Variants in PAGE4 observed in about 807,000 individuals in gnomAD.
PAGE4 encodes the protein PAGE family member 4.
A neutral mutation model predicts 8.5 loss-of-function variants in PAGE4; 1 was observed. The observed-to-expected ratio is 0.12, with a 90% confidence interval of 0.04 to 0.56. The LOEUF (loss-of-function observed/expected upper bound fraction) is 0.56, where lower values mean the gene tolerates loss of function less well. PAGE4 is among the 20% of genes least tolerant of loss of function. PAGE4 has a pLI of 0.91. For missense variants in PAGE4, 93 were observed against 82.7 expected, an observed-to-expected ratio of 1.13 and a Z score of -0.49; for synonymous variants, 26 against 26.3, an observed-to-expected ratio of 0.99 and a Z score of 0.04.
rs1416905380 is a variant in PAGE4 at position 49,830,421 on chromosome X, T to C, written c.-8T>C. On this transcript the variant is annotated 5_prime_UTR_variant, in exon 2 of 5. Coordinates refer to ENST00000218068, the MANE Select transcript of PAGE4 (RefSeq NM_007003.4). ...CAGTCTTCAGTTCACGATCTTCTAG[T>C]TGCAGCGATGAGTGCACGAGTGAGA... The C allele has an allele frequency of 1.1e-5, 13 of 1,178,590 alleles. No individual in the cohort carries two copies. Among genetic ancestry groups the C allele is most frequent in the Non-Finnish European group, 1.5e-5 (13 of 872,153 alleles).
intron 3 of PAGE4, among the ~76,000 whole-genome samples, chrX:49,831,793 GTAAT>G (rs782028748): frequency 8.9e-6 from 1 of 111,970 alleles, no homozygotes; most frequent in Non-Finnish European, 1.9e-5. Flanking sequence ...TACTCTGTAA[GTAAT>G]TCAGTATGTA....
Position 49,830,968 on chromosome X carries a change from T to C in PAGE4, c.79-29T>C, listed in dbSNP as rs930384294. On this transcript the variant is annotated intron_variant, in intron 2 of 4. Coordinates refer to ENST00000218068, the MANE Select transcript of PAGE4 (RefSeq NM_007003.4). Reference sequence around the variant, plus strand: ...ATGATATTAATAACAATATTCTATTTGCATCTACTCTCCCCCACCTCTCAA... The same window carrying C: ...ATGATATTAATAACAATATTCTATTCGCATCTACTCTCCCCCACCTCTCAA... 3.0e-6 allele frequency: 3 copies of C among 987,414 alleles called. No homozygotes were observed. The African/African-American group carries it at 5.7e-5, about 19-fold the overall frequency. 81.4% of individuals were successfully genotyped at this position (987,414 alleles called of 1,213,427 possible).
At chrX:49,831,646 C>A (rs1230786158) in intron 3 of PAGE4, among the ~76,000 whole-genome samples, 3 of 111,672 alleles carry the variant, frequency 2.7e-5, no homozygotes, top group Non-Finnish European at 5.7e-5. Flanking sequence ...GAAAAGTTAT[C>A]CAAGTACAGT....
At chrX:49,832,313 G>C (rs1557156709) in intron 3 of PAGE4, among the ~76,000 whole-genome samples, 3 of 111,732 alleles carry the variant, frequency 2.7e-5, no homozygotes, top group African/African-American at 9.7e-5. Flanking sequence ...TGTAGATTGT[G>C]AAAGTGACAA....
intron 2 of PAGE4, 127 bp from the exon 3 acceptor site, chrX:49,830,870 A>G (rs782286165): frequency 6.1e-6 from 3 of 490,504 alleles, no homozygotes; most frequent in Admixed American, 3.9e-5. Flanking sequence ...CAGAGAAGAT[A>G]GGAAAAACCT....
In PAGE4 at chrX:49,830,998, C is replaced by G. The variant is rs1288836387; in HGVS notation, c.80C>G (p.Pro27Arg). 3.4e-6 allele frequency: 4 copies of G among 1,178,526 alleles called. No individual in the cohort carries two copies. Among genetic ancestry groups the G allele is most frequent in the Non-Finnish European group, 4.6e-6 (4 of 874,943 alleles). The part of the protein sequence containing the change: ...EAPDVVAFVA[P>R]GESQQEEPPT... The stretch of plus-strand genomic sequence containing the variant: ...CTACTCTCCCCCACCTCTCAAAAGC[C>G]CGGTGAATCTCAGCAAGAGGAACCA... The change falls in exon 3 of 5, where the codon CCC becomes CGC. Residue 27 changes from proline to arginine, a missense_variant and splice_region_variant. Pro to Arg is a moderately radical substitution (Grantham distance 103). Transcript: ENST00000218068.
intron 4 of PAGE4, 136 bp downstream of exon 4, chrX:49,832,786 G>A: frequency 1.5e-5 from 8 of 517,211 alleles, no homozygotes; most frequent in East Asian, 4.1e-5. Flanking sequence ...CAGTGTCAGG[G>A]GAAAAATGAA....
intron 3 of PAGE4, 52 bp downstream of exon 3, chrX:49,831,136 G>A (rs1557156567): frequency 1.2e-6 from 1 of 812,825 alleles, no homozygotes; most frequent in Non-Finnish European, 1.8e-6. Flanking sequence ...TTTTATACTA[G>A]TAACAGGAAT....
chrX:49,832,643 A>G lies in PAGE4; in HGVS notation c.285A>G (p.Lys95=). 8.3e-7 allele frequency: 1 copy of G among 1,198,950 alleles called. No individual in the cohort carries two copies. Among genetic ancestry groups the G allele is most frequent in the Non-Finnish European group, 1.1e-6 (1 of 889,606 alleles). ...TPPNPKHAKT[K]EAGDGQP is the part of the protein sequence containing the mutation. ...CTAATCCTAAGCATGCTAAGACTAA[A>G]GAAGCAGGTACGTTATTCATTCGGA... The change falls in exon 4 of 5, where the codon AAA becomes AAG. Residue 95 remains lysine (K), a synonymous_variant. Coordinates refer to ENST00000218068, the MANE Select transcript of PAGE4 (RefSeq NM_007003.4).
In PAGE4 at chrX:49,832,629, C is replaced by T; in HGVS notation, c.271C>T (p.His91Tyr). 8.3e-7 allele frequency: 1 copy of T among 1,200,114 alleles called. No individual in the cohort carries two copies. ...AGAGAAGACTCCACCTAATCCTAAGCATGCTAAGACTAAAGAAGCAGGTAC... is the reference window on the plus strand; with the variant it reads ...AGAGAAGACTCCACCTAATCCTAAGTATGCTAAGACTAAAGAAGCAGGTAC... ...VKEKTPPNPK[H>Y]AKTKEAGDGQ... The change falls in exon 4 of 5, where the codon CAT (histidine) becomes TAT (tyrosine). Residue 91 changes from histidine (H) to tyrosine (Y), a missense_variant. By Grantham distance (83) the His-to-Tyr change is moderately conservative. Coordinates refer to ENST00000218068, the MANE Select transcript of PAGE4 (RefSeq NM_007003.4).
At chrX:49,830,960 A>G in intron 2 of PAGE4, 37 bp from the exon 3 acceptor site, 1 of 909,874 alleles carries the variant, frequency 1.1e-6, no homozygotes, top group Non-Finnish European at 1.6e-6. Flanking sequence ...TAATAACAAT[A>G]TTCTATTTGC....
intron 1 of PAGE4, chrX:49,830,028 T>A (rs782606160): frequency 6.0e-4 from 69 of 115,380 alleles, no homozygotes; most frequent in Non-Finnish European, 9.1e-4. Flanking sequence ...TGAGGTATCT[T>A]TGAGTCCCAG....
chrX:49,833,616 G>T (rs192263810), intron 4 of PAGE4, among the ~76,000 whole-genome samples: 2 of 112,044 alleles, frequency 1.8e-5, no homozygotes, highest in East Asian at 5.6e-4. Flanking sequence ...CATTTAATCT[G>T]TTCTGGCTTG....
Position 49,830,500 on chromosome X carries a change from C to G in PAGE4, c.72C>G (p.Phe24Leu). ...DGQEAPDVVA[F>L]VAPGESQQEE... ...AGGAGGCTCCCGATGTGGTTGCATT[C>G]GTGGCTGTGAGTACATTTCAGTATC... The change falls in exon 2 of 5, where the codon TTC becomes TTG. Residue 24 changes from phenylalanine (F) to leucine (L), a missense_variant. Coordinates refer to ENST00000218068, the MANE Select transcript of PAGE4 (RefSeq NM_007003.4). 1 of 1,176,418 alleles carries G rather than the reference C, an allele frequency of 8.5e-7. No individual in the cohort carries two copies. The highest frequency in any genetic ancestry group is 1.2e-6 in the Non-Finnish European group (1 of 867,187).
Position 49,832,586 on chromosome X carries a change from A to C in PAGE4, c.228A>C (p.Gly76=). ...MDLEKTRSER[G]DGSDVKEKTP... ...TGGAAAAGACTCGGAGTGAGCGTGGAGATGGCTCTGATGTAAAAGAGAAGA... is the reference window on the plus strand; with the variant it reads ...TGGAAAAGACTCGGAGTGAGCGTGGCGATGGCTCTGATGTAAAAGAGAAGA... The change falls in exon 4 of 5, where the codon GGA becomes GGC. Residue 76 remains glycine (G), a synonymous_variant. Transcript: ENST00000218068. The C allele has an allele frequency of 1.7e-6, 2 of 1,195,245 alleles. No individual in the cohort carries two copies. Among genetic ancestry groups the C allele is most frequent in the Non-Finnish European group, 2.3e-6 (2 of 881,200 alleles).
chrX:49,830,306 G>A, intron 1 of PAGE4, 93 bp from the exon 2 acceptor site: 1 of 437,512 alleles, frequency 2.3e-6, no homozygotes, highest in South Asian at 4.1e-5. Context: ...ATTAACTCAG[G>A]ACCTATTATG....
chrX:49,831,612 C>T (rs782294575), intron 3 of PAGE4, among the ~76,000 whole-genome samples: 18 of 111,848 alleles, frequency 1.6e-4, no homozygotes, highest in African/African-American at 5.5e-4. Flanking sequence ...TAACTTTTTA[C>T]TTAGAAAGGA....
At chrX:49,832,721 C>T (rs921894772) in intron 4 of PAGE4, 71 bp downstream of exon 4, 8 of 919,918 alleles carry the variant, frequency 8.7e-6, no homozygotes, top group African/African-American at 8.2e-5. Flanking sequence ...TAACAAGTCT[C>T]GCATACAAAT....
At chrX:49,833,362 G>T (rs1923534608) in intron 4 of PAGE4, among the ~76,000 whole-genome samples, 1 of 111,723 alleles carries the variant, frequency 9.0e-6, no homozygotes, top group Admixed American at 9.5e-5. Flanking sequence ...TTGCACTTTT[G>T]CTCAAAGAGA....
Sources: allele counts gnomAD v4.1 joint callset (sites outside exome capture counted in the v4.1 genomes callset), GRCh38; gene constraint gnomAD v4.1.1; transcripts MANE v1.5; gene names NCBI Gene and HGNC (gene_info 2026-07-23, HGNC 2026-07-21).